Variants in MASP1 observed in about 807,000 individuals in gnomAD.
MASP1 encodes the protein mannan-binding lectin serine protease 1.
Under a neutral mutation model 77.1 loss-of-function variants are expected in MASP1, and 59 were observed. The observed-to-expected ratio is 0.77, with a 90% CI of 0.62 to 0.95. The LOEUF is 0.95. MASP1 is among the 40% of genes least tolerant of loss of function. The pLI is 0.00. For missense variants in MASP1, 885 were observed against 912.9 expected (o/e 0.97, Z 0.39); for synonymous variants, 362 against 354.5 (o/e 1.02, Z -0.24).
At chr3:187,265,930 T>G (rs1715981821) in intron 2 of MASP1, among the ~76,000 whole-genome samples, 1 of 152,178 alleles carries the variant, frequency 6.6e-6, no homozygotes, top group Non-Finnish European at 1.5e-5. Flanking sequence ...GAGGGGTCAC[T>G]GGTCCCGGTT....
chr3:187,223,853 C>T (rs1178178963), intron 13 of MASP1, among the ~76,000 whole-genome samples: 1 of 152,230 alleles, frequency 6.6e-6, no homozygotes, highest in East Asian at 1.9e-4. Flanking sequence ...TACTATATCC[C>T]TAGATCTGCT....
chr3:187,246,781 T>TA, intron 8 of MASP1: 1 of 970,766 alleles, frequency 1.0e-6, no homozygotes, highest in African/African-American at 1.8e-5. Flanking sequence ...CAGATAGGGG[T>TA]AGAAGGGATA....
chr3:187,250,314 C>T lies in MASP1; in HGVS notation c.1027G>A (p.Asp343Asn), dbSNP rs768599984. 23 of 1,613,060 alleles carry T rather than the reference C, an allele frequency of 1.4e-5. No individual in the cohort carries two copies. Among genetic ancestry groups the T allele is most frequent in the Middle Eastern group, 1.7e-4 (1 of 6,054 alleles). The change falls in exon 8 of 11, where the codon GAC becomes AAC. Residue 343 changes from aspartate to asparagine, a missense_variant. Transcript: ENST00000296280. ...YKVLKDNVEM[D>N]TFQIECLKDG... ...TTCAGACACTCAATCTGGAATGTGT[C>T]CATCTCCACATTATCCTGGGAAGAG...
At chr3:187,267,410 C>T (rs1216848369) in intron 2 of MASP1, among the ~76,000 whole-genome samples, 1 of 152,194 alleles carries the variant, frequency 6.6e-6, no homozygotes. Context: ...TTTAGTTAAT[C>T]TGGGAGCTAC....
chr3:187,229,879 A>G (rs1560232953), downstream of MASP1: 3 of 1,613,922 alleles, frequency 1.9e-6, no homozygotes, highest in Non-Finnish European at 2.5e-6. Flanking sequence ...CTTCCGGGAG[A>G]ACTTGGGGAG....
At chr3:187,223,561 A>C (rs1712196668) in intron 13 of MASP1, among the ~76,000 whole-genome samples, 1 of 152,186 alleles carries the variant, frequency 6.6e-6, no homozygotes. Context: ...AACAGCGAAT[A>C]AATAAAAAGC....
At chr3:187,254,744 G>A (rs373247364) in intron 5 of MASP1, among the ~76,000 whole-genome samples, 2 of 152,116 alleles carry the variant, frequency 1.3e-5, no homozygotes, top group African/African-American at 2.4e-5. Context: ...TGGGGGCAGT[G>A]GGGGAGAGAA....
intron 8 of MASP1, among the ~76,000 whole-genome samples, chr3:187,249,026 TG>T (rs1330273673): frequency 1.3e-5 from 2 of 152,140 alleles, no homozygotes; most frequent in African/African-American, 4.8e-5. Flanking sequence ...GGAAGATGGG[TG>T]GGACCAACTC....
At position 187,235,958 on chromosome 3, in the gene MASP1, G is replaced by A. The variant is rs775574237; in HGVS notation, c.1913C>T (p.Ser638Leu). Residue 638 changes from serine (S) to leucine (L), a missense_variant, in exon 11 of 11, where the codon TCG becomes TTG. By Grantham distance (145) the Ser-to-Leu change is moderately radical. Coordinates refer to ENST00000296280, the MANE Select transcript of MASP1 (RefSeq NM_139125.4). Reference sequence around the variant, plus strand: ...GTTCTCCGTGACGCTGTAATTGCCCGAGCGGGACTCATAGCTAGTTTTGCA... The same window carrying A: ...GTTCTCCGTGACGCTGTAATTGCCCAAGCGGGACTCATAGCTAGTTTTGCA... ...AECKTSYESR[S>L]GNYSVTENMF... 7.0e-5 allele frequency: 113 copies of A among 1,614,082 alleles called. No homozygotes were observed. The highest frequency in any genetic ancestry group is 8.8e-5 in the Non-Finnish European group (104 of 1,180,056).
At chr3:187,268,029 A>C (rs1716187322) in intron 2 of MASP1, among the ~76,000 whole-genome samples, 1 of 152,222 alleles carries the variant, frequency 6.6e-6, no homozygotes, top group South Asian at 2.1e-4. Flanking sequence ...GCAGTAACAA[A>C]AAACTAGAAT....
chr3:187,238,914 C>T (rs183128560), intron 10 of MASP1, among the ~76,000 whole-genome samples: 39 of 152,254 alleles, frequency 2.6e-4, no homozygotes, highest in African/African-American at 7.9e-4. Flanking sequence ...CAGTGTTTTG[C>T]GAAGAGAGAA....
intron 4 of MASP1, among the ~76,000 whole-genome samples, chr3:187,259,469 T>C (rs1285335285): frequency 1.3e-5 from 2 of 152,130 alleles, no homozygotes; most frequent in East Asian, 1.9e-4. Context: ...TAAACAGATA[T>C]ATAGTCTATC....
intron 11 of MASP1, chr3:187,226,524 G>C: frequency 1.9e-6 from 3 of 1,600,130 alleles, no homozygotes; most frequent in Non-Finnish European, 2.6e-6. Context: ...CTGGAGCCTG[G>C]GGAACAGAAC....
downstream of MASP1, chr3:187,230,026 T>C: frequency 2.0e-6 from 2 of 986,438 alleles, no homozygotes; most frequent in Non-Finnish European, 3.0e-6. Context: ...TAATTGACCT[T>C]CCTGATAATA....
chr3:187,289,858 T>C (rs894215030), intron 1 of MASP1, among the ~76,000 whole-genome samples: 1 of 152,208 alleles, frequency 6.6e-6, no homozygotes, highest in Non-Finnish European at 1.5e-5. Context: ...CCACTACTTA[T>C]CCATAAATCC....
intron 7 of MASP1, chr3:187,251,330 G>T (rs1297451763): frequency 2.7e-6 from 1 of 363,754 alleles, no homozygotes; most frequent in Non-Finnish European, 5.2e-6. Context: ...TAAGCCCGAT[G>T]AACTTTGTTA....
rs1560245589 is a variant in MASP1 at position 187,243,579 on chromosome 3, A to C, written c.1133T>G (p.Ile378Ser). 6.2e-7 allele frequency: 1 copy of C among 1,614,168 alleles called. No homozygotes were observed. The highest frequency in any genetic ancestry group is 1.7e-4 in the Middle Eastern group (1 of 6,060). The change falls in exon 9 of 11, where the codon ATC (isoleucine) becomes AGC (serine). Residue 378 changes from isoleucine to serine, a missense_variant. Ile to Ser is a moderately radical substitution (Grantham distance 142). Coordinates refer to ENST00000296280, the MANE Select transcript of MASP1 (RefSeq NM_139125.4). Reference sequence around the variant, plus strand: ...GAGGTTGTTCCTTGTAGAGAAGGTGATCAGCCCGTGTTCCAGCTCTCCTGG... The same window carrying C: ...GAGGTTGTTCCTTGTAGAGAAGGTGCTCAGCCCGTGTTCCAGCTCTCCTGG... The part of the protein sequence containing the change: ...RAPGELEHGL[I>S]TFSTRNNLTT...
intron 4 of MASP1, among the ~76,000 whole-genome samples, chr3:187,257,677 G>A (rs564799717): frequency 4.6e-5 from 7 of 152,108 alleles, no homozygotes; most frequent in Non-Finnish European, 7.4e-5. Context: ...GAGCCACCTC[G>A]CCCGGCCTCC....
chr3:187,270,092 G>C (rs889884195), intron 2 of MASP1, among the ~76,000 whole-genome samples: 1 of 152,298 alleles, frequency 6.6e-6, no homozygotes, highest in East Asian at 1.9e-4. Context: ...AGATAATTCT[G>C]CAATGTAACT....
Sources: allele counts gnomAD v4.1 joint callset (sites outside exome capture counted in the v4.1 genomes callset), GRCh38; gene constraint gnomAD v4.1.1; transcripts MANE v1.5; gene names NCBI Gene and HGNC (gene_info 2026-07-23, HGNC 2026-07-21).